Variants in SDK1 observed in about 807,000 individuals in gnomAD.
The protein encoded by SDK1 is protein sidekick-1.
Under a neutral mutation model 245.5 loss-of-function variants are expected in SDK1, and 157 were observed. The observed-to-expected ratio is 0.64, with a 90% CI of 0.56 to 0.73. SDK1 has a LOEUF of 0.73. Among genes scored for constraint, SDK1 ranks in the 30% least tolerant of loss-of-function variants. SDK1 has a pLI of 0.00. For synonymous variants in SDK1, 1,647 were observed against 1,278.5 expected, an observed-to-expected ratio of 1.29 and a Z score of -6.15; for missense variants, 3,583 against 3,002.3, an observed-to-expected ratio of 1.19 and a Z score of -4.52.
chr7:4,096,039 G>C (rs918854155), intron 22 of SDK1, among the ~76,000 whole-genome samples: 14 of 152,218 alleles, frequency 9.2e-5, no homozygotes, highest in Non-Finnish European at 1.5e-4. Context: ...GTGGACATGT[G>C]GGTAGAAACC....
intron 1 of SDK1, among the ~76,000 whole-genome samples, chr7:3,464,261 C>G (rs180949276): frequency 6.6e-6 from 1 of 152,158 alleles, no homozygotes; most frequent in South Asian, 2.1e-4. Context: ...TGGTGGCTCA[C>G]GCCTATAATC....
intron 32 of SDK1, among the ~76,000 whole-genome samples, chr7:4,162,378 A>ATTG (rs1345943163): frequency 1.0e-5 from 1 of 97,082 alleles, no homozygotes; most frequent in Non-Finnish European, 1.9e-5. Context: ...TGTTATTATT[A>ATTG]TTATTATTAT....
In SDK1 at chr7:3,922,490, C is replaced by G. The variant is rs142266040; in HGVS notation, c.848-28433C>G. Among the ~76,000 whole-genome samples the G allele has an allele frequency of 4.9e-3, 743 of 152,368 alleles. 8 individuals are homozygous for G. The highest frequency in any genetic ancestry group is 0.017 in the African/African-American group (712 of 41,590). ...TGGGTGTCACATGGAACAAAACTCT[C>G]TGACTCCTTGAGAAATGAGTATGGC... On this transcript the variant is annotated intron_variant, in intron 5 of 44. Transcript: ENST00000404826.
At position 3,380,529 on chromosome 7, in the gene SDK1, A is replaced by C. The variant is rs537517737; in HGVS notation, c.298+78645A>C. ...AGGAATTGGCGGTTCAGTTTGGCCA[A>C]CTTTGGTGTTGTAACACTTGAGATT... On this transcript the variant is annotated intron_variant, in intron 1 of 44. Coordinates refer to ENST00000404826, the MANE Select transcript of SDK1 (RefSeq NM_152744.4). Among the ~76,000 whole-genome samples the C allele has an allele frequency of 3.3e-5, 5 of 152,352 alleles. No individual in the cohort carries two copies. In the East Asian group the frequency reaches 5.8e-4, roughly 18 times the overall value.
chr7:3,888,591 A>G (rs1339238756), intron 5 of SDK1, among the ~76,000 whole-genome samples: 1 of 152,262 alleles, frequency 6.6e-6, no homozygotes, highest in Non-Finnish European at 1.5e-5. Flanking sequence ...ATATCATCAC[A>G]GAACAATAGC....
chr7:3,691,502 A>G (rs1190272695), intron 4 of SDK1, among the ~76,000 whole-genome samples: 4 of 152,236 alleles, frequency 2.6e-5, no homozygotes, highest in Admixed American at 2.6e-4. Flanking sequence ...AAAAAGTAGG[A>G]TACTCTCTCC....
chr7:3,484,992 A>G (rs935344316), intron 1 of SDK1, among the ~76,000 whole-genome samples: 6 of 152,148 alleles, frequency 3.9e-5, no homozygotes, highest in African/African-American at 1.2e-4. Flanking sequence ...TTGATAGACT[A>G]ATTTCCTTTC....
At chr7:4,067,588 A>G (rs1438353446) in intron 19 of SDK1, among the ~76,000 whole-genome samples, 1 of 152,240 alleles carries the variant, frequency 6.6e-6, no homozygotes. Flanking sequence ...TGGTTTGTGT[A>G]TAAATCTCCT....
rs184747638 is a variant in SDK1 at position 3,689,988 on chromosome 7, G to C, written c.713+47883G>C. 2.0e-3 allele frequency among the ~76,000 whole-genome samples: 304 copies of C among 152,302 alleles called. 1 individual carries two copies. Among genetic ancestry groups the C allele is most frequent in the African/African-American group, 6.9e-3 (286 of 41,554 alleles). On this transcript the variant is annotated intron_variant, in intron 4 of 44. Transcript: ENST00000404826. ...GTGTGGAAATGAATGTTTTGTATTT[G>C]AGTTGTTAAGCTACAAAATATATTT...
At chr7:3,952,433 A>T (rs963968281) in intron 7 of SDK1, among the ~76,000 whole-genome samples, 1 of 152,040 alleles carries the variant, frequency 6.6e-6, no homozygotes, top group Non-Finnish European at 1.5e-5. Flanking sequence ...AAATACAAAC[A>T]TCAGCTGGGC....
chr7:3,759,427 C>G (rs1197085376), intron 4 of SDK1, among the ~76,000 whole-genome samples: 2 of 152,082 alleles, frequency 1.3e-5, no homozygotes, highest in African/African-American at 2.4e-5. Context: ...GCTGTGCATC[C>G]TGATGCATGA....
chr7:3,528,798 T>G (rs1783241163), intron 1 of SDK1, among the ~76,000 whole-genome samples: 1 of 152,026 alleles, frequency 6.6e-6, no homozygotes. Context: ...TGAATTGTGC[T>G]ATTTATGAAA....
At chr7:3,647,693 G>T (rs1440975372) in intron 4 of SDK1, among the ~76,000 whole-genome samples, 4 of 152,008 alleles carry the variant, frequency 2.6e-5, no homozygotes, top group Non-Finnish European at 5.9e-5. Context: ...GCCTCCCAAA[G>T]TGCTGGGATT....
At chr7:4,216,489 C>A (rs1212864982) in intron 38 of SDK1, among the ~76,000 whole-genome samples, 1 of 152,216 alleles carries the variant, frequency 6.6e-6, no homozygotes, top group Non-Finnish European at 1.5e-5. Flanking sequence ...CATCAGGATT[C>A]CCAACGGGGA....
At chr7:3,399,760 A>G (rs1476371036) in intron 1 of SDK1, among the ~76,000 whole-genome samples, 2 of 152,046 alleles carry the variant, frequency 1.3e-5, no homozygotes, top group Non-Finnish European at 2.9e-5. Flanking sequence ...GGGGCTCTGT[A>G]TATGTGTTGT....
At chr7:3,677,206 A>G (rs1015747947) in intron 4 of SDK1, among the ~76,000 whole-genome samples, 2 of 151,456 alleles carry the variant, frequency 1.3e-5, no homozygotes, top group African/African-American at 2.4e-5. Flanking sequence ...GTATGTGTGT[A>G]TGTGTGTGTG....
At chr7:4,235,504 C>T (rs1418035715) in intron 41 of SDK1, among the ~76,000 whole-genome samples, 1 of 152,160 alleles carries the variant, frequency 6.6e-6, no homozygotes, top group African/African-American at 2.4e-5. Context: ...AGAAAAAGCA[C>T]AGATTTCTCA....
chr7:4,241,077 A>G (rs904749911), intron 42 of SDK1, among the ~76,000 whole-genome samples: 2 of 152,068 alleles, frequency 1.3e-5, no homozygotes, highest in Admixed American at 1.3e-4. Context: ...TTGATCTGTT[A>G]ATATATTTTA....
rs756521951 is a variant in SDK1, at chr7:4,175,842, C to T, written c.4996+8C>T. ...CGATGTGTGAACTAACACGTAAGTG[C>T]GCTCTCAGCGGGAGGCCCATGCCGC... On this transcript the variant is annotated splice_region_variant and intron_variant, in intron 34 of 44. Coordinates refer to ENST00000404826, the MANE Select transcript of SDK1 (RefSeq NM_152744.4). 1.2e-5 allele frequency: 19 copies of T among 1,611,088 alleles called. No homozygotes were observed. The highest frequency in any genetic ancestry group is 5.0e-5 in the Admixed American group (3 of 60,006).
Sources: gnomAD v4.1 joint callset for allele counts (sites outside exome capture counted in the v4.1 genomes callset) on GRCh38, gnomAD v4.1.1 for gene constraint, MANE v1.5 for transcripts, NCBI Gene and HGNC (gene_info 2026-07-23, HGNC 2026-07-21) for gene names.